The following LIPC variants were observed in gnomAD, a reference collection of about 807,000 sequenced individuals.
LIPC encodes the protein lipase C, hepatic type.
Under a neutral mutation model 50.7 loss-of-function variants are expected in LIPC, and 44 were observed. The observed-to-expected ratio is 0.87, with a 90% CI of 0.68 to 1.11. The LOEUF (loss-of-function observed/expected upper bound fraction) is 1.11, where lower values mean the gene tolerates loss of function less well. LIPC is among the 50% of genes most tolerant of loss of function. The probability of loss-of-function intolerance (pLI) is 0.00; values close to 1 mark genes in which losing one functional copy is unlikely to be tolerated. For synonymous variants in LIPC, 271 were observed against 256.4 expected, an observed-to-expected ratio of 1.06 and a Z score of -0.54; for missense variants, 697 against 648.2, an observed-to-expected ratio of 1.08 and a Z score of -0.82.
intron 1 of LIPC, among the ~76,000 whole-genome samples, chr15:58,496,006 T>C (rs909842331): frequency 1.3e-5 from 2 of 152,184 alleles, no homozygotes; most frequent in Admixed American, 6.5e-5. Context: ...AAAGGGAAGC[T>C]TGAGGAGATT....
chr15:58,483,913 C>T (rs1419130687), intron 1 of LIPC, among the ~76,000 whole-genome samples: 2 of 152,128 alleles, frequency 1.3e-5, no homozygotes, highest in African/African-American at 4.8e-5. Flanking sequence ...AAGTGACTTT[C>T]CCAGCCGTTC....
At chr15:58,439,208 A>C (rs1160258614) in intron 1 of LIPC, among the ~76,000 whole-genome samples, 1 of 152,210 alleles carries the variant, frequency 6.6e-6, no homozygotes, top group Non-Finnish European at 1.5e-5. Context: ...TGTGTTTGAG[A>C]AAAAATGCTG....
chr15:58,540,798 T>G lies in LIPC; in HGVS notation c.274-987T>G, dbSNP rs145256130. Reference sequence around the variant, plus strand: ...CATTCACCTGCCCACCTGTATTCTTTTTGTTTCTTTGTTTTGTTTTGTTGC... The same window carrying G: ...CATTCACCTGCCCACCTGTATTCTTGTTGTTTCTTTGTTTTGTTTTGTTGC... On this transcript the variant is annotated intron_variant, in intron 2 of 8. Coordinates refer to ENST00000299022, the MANE Select transcript of LIPC (RefSeq NM_000236.3). Among the ~76,000 whole-genome samples the G allele has an allele frequency of 2.6e-5, 4 of 152,172 alleles. No individual in the cohort carries two copies. In the East Asian group the frequency reaches 5.8e-4, roughly 22 times the overall value.
At chr15:58,455,782 G>A (rs1894087717) in intron 1 of LIPC, among the ~76,000 whole-genome samples, 1 of 152,084 alleles carries the variant, frequency 6.6e-6, no homozygotes, top group Non-Finnish European at 1.5e-5. Context: ...TTTATAAATT[G>A]TATAATACCT....
At chr15:58,474,893 G>C (rs766046511) in intron 1 of LIPC, among the ~76,000 whole-genome samples, 1 of 152,208 alleles carries the variant, frequency 6.6e-6, no homozygotes, top group Non-Finnish European at 1.5e-5. Flanking sequence ...CCATCCCAGA[G>C]AGCAACTGCT....
intron 1 of LIPC, among the ~76,000 whole-genome samples, chr15:58,518,705 C>T (rs1224386865): frequency 6.6e-6 from 1 of 152,144 alleles, no homozygotes; most frequent in Non-Finnish European, 1.5e-5. Flanking sequence ...GTGAGAAGAG[C>T]CAGGCCCAAA....
At chr15:58,459,877 G>A (rs1894277592) in intron 1 of LIPC, among the ~76,000 whole-genome samples, 1 of 152,264 alleles carries the variant, frequency 6.6e-6, no homozygotes, top group Non-Finnish European at 1.5e-5. Flanking sequence ...GGGGCCCTGG[G>A]AGGCCCTGAG....
intron 1 of LIPC, among the ~76,000 whole-genome samples, chr15:58,505,942 G>A (rs1266702295): frequency 6.6e-6 from 1 of 152,174 alleles, no homozygotes; most frequent in Non-Finnish European, 1.5e-5. Flanking sequence ...CTCACAAGAG[G>A]CGGCTGTTGC....
intron 1 of LIPC, among the ~76,000 whole-genome samples, chr15:58,508,170 G>T (rs1892215940): frequency 6.6e-6 from 1 of 151,870 alleles, no homozygotes; most frequent in African/African-American, 2.4e-5. Flanking sequence ...GGCAGATAAG[G>T]GATGAAGAGA....
intron 1 of LIPC, among the ~76,000 whole-genome samples, chr15:58,488,326 C>G (rs983641657): frequency 3.3e-5 from 5 of 152,220 alleles, no homozygotes; most frequent in Admixed American, 3.3e-4. Flanking sequence ...ACCCAGCAAT[C>G]TGACGTCCAC....
chr15:58,488,392 G>A (rs561166016), intron 1 of LIPC, among the ~76,000 whole-genome samples: 14 of 152,242 alleles, frequency 9.2e-5, no homozygotes, highest in South Asian at 8.3e-4. Context: ...CCTTATCTAC[G>A]CCATTCATCT....
intron 1 of LIPC, among the ~76,000 whole-genome samples, chr15:58,462,510 T>C (rs1346565999): frequency 1.3e-5 from 2 of 152,212 alleles, no homozygotes. Flanking sequence ...TTGGTTTAGA[T>C]ACTCACACAT....
intron 1 of LIPC, among the ~76,000 whole-genome samples, chr15:58,453,547 T>C (rs1315249368): frequency 4.6e-5 from 7 of 152,160 alleles, no homozygotes; most frequent in Admixed American, 1.3e-4. Flanking sequence ...AGACTGCTTC[T>C]TTGAGAGCCC....
At chr15:58,543,215 G>T (rs1461465481) in intron 4 of LIPC, among the ~76,000 whole-genome samples, 4 of 152,128 alleles carry the variant, frequency 2.6e-5, no homozygotes, top group Non-Finnish European at 4.4e-5. Flanking sequence ...CCAGGCTTCC[G>T]TGACACCAAC....
intron 1 of LIPC, among the ~76,000 whole-genome samples, chr15:58,447,719 T>G (rs1893748947): frequency 6.6e-6 from 1 of 152,104 alleles, no homozygotes; most frequent in Admixed American, 6.5e-5. Context: ...AAAAGTAGAT[T>G]TGGGATGGGC....
At chr15:58,503,461 G>A (rs1209225067) in intron 1 of LIPC, among the ~76,000 whole-genome samples, 1 of 152,196 alleles carries the variant, frequency 6.6e-6, no homozygotes, top group Admixed American at 6.5e-5. Flanking sequence ...TGGTACCAAG[G>A]AATCATTGGC....
intron 1 of LIPC, among the ~76,000 whole-genome samples, chr15:58,486,326 T>C (rs1891375729): frequency 6.6e-6 from 1 of 152,116 alleles, no homozygotes; most frequent in South Asian, 2.1e-4. Context: ...GATGTTCTGG[T>C]TTGTGGGACT....
chr15:58,547,840 A>G (rs7165654), intron 5 of LIPC, among the ~76,000 whole-genome samples: 105,608 of 151,830 alleles, frequency 0.7, 37,565 homozygotes, highest in Middle Eastern at 0.82. Flanking sequence ...TCTCCAGACC[A>G]TCAGAGTGCC....
intron 1 of LIPC, among the ~76,000 whole-genome samples, chr15:58,537,040 C>CA (rs1253479127): frequency 6.6e-6 from 1 of 152,192 alleles, no homozygotes; most frequent in East Asian, 1.9e-4. Context: ...GTTCACTGAC[C>CA]AAAAAGGTCA....
Sources: allele counts gnomAD v4.1 joint callset (sites outside exome capture counted in the v4.1 genomes callset), GRCh38; gene constraint gnomAD v4.1.1; transcripts MANE v1.5; gene names NCBI Gene and HGNC (gene_info 2026-07-23, HGNC 2026-07-21).